The following ABR variants were observed in gnomAD, a reference collection of about 807,000 sequenced individuals.
ABR encodes ABR activator of RhoGEF and GTPase, also known as active breakpoint cluster region-related protein.
In ABR, 35 loss-of-function variants were observed where a neutral mutation model predicts 107.2. That is an observed-to-expected ratio of 0.33 (90% CI 0.25 to 0.43). The LOEUF is 0.43. Among genes scored for constraint, ABR ranks in the 20% least tolerant of loss-of-function variants. The probability of loss-of-function intolerance (pLI) is 1.00; values close to 1 mark genes in which losing one functional copy is unlikely to be tolerated. For missense variants in ABR, 815 were observed against 1,115.2 expected (o/e 0.73, Z 3.83); for synonymous variants, 498 against 462.0 (o/e 1.08, Z -1.00).
chr17:1,109,062 C>T (rs756943712), intron 2 of ABR: 3 of 1,593,732 alleles, frequency 1.9e-6, no homozygotes. Context: ...TCCTCTTCCT[C>T]CTCCATGGCA....
chr17:1,055,947 A>G (rs2033220537), intron 14 of ABR, 88 bp downstream of exon 14: 1 of 1,293,438 alleles, frequency 7.7e-7, no homozygotes, highest in African/African-American at 1.5e-5. Context: ...CCCCATGTCT[A>G]AAGGCGTGCT....
chr17:1,081,846 G>A (rs1364301963), intron 5 of ABR, among the ~76,000 whole-genome samples: 1 of 152,218 alleles, frequency 6.6e-6, no homozygotes, highest in Non-Finnish European at 1.5e-5. Context: ...CAAAGTGCTG[G>A]GATGACAGGT....
intron 16 of ABR, among the ~76,000 whole-genome samples, chr17:1,031,058 G>A (rs1292432699): frequency 2.6e-5 from 4 of 152,204 alleles, no homozygotes; most frequent in African/African-American, 4.8e-5. Flanking sequence ...TGGACGGAAC[G>A]CCTGGTGCCC....
At chr17:1,137,616 G>T (rs2040129486) in intron 1 of ABR, among the ~76,000 whole-genome samples, 1 of 152,142 alleles carries the variant, frequency 6.6e-6, no homozygotes, top group Non-Finnish European at 1.5e-5. Context: ...TGTAACAGGT[G>T]TCATAACAAT....
chr17:1,022,120 A>AACAAAAAAAAAAAC (rs1555534387), intron 16 of ABR, among the ~76,000 whole-genome samples: 3 of 118,388 alleles, frequency 2.5e-5, no homozygotes, highest in Non-Finnish European at 4.9e-5. Flanking sequence ...AAAAAAAAAA[A>AACAAAAAAAAAAAC]AAAAACAGAA....
At chr17:1,145,506 G>A (rs1211706392) in intron 1 of ABR, among the ~76,000 whole-genome samples, 2 of 152,342 alleles carry the variant, frequency 1.3e-5, no homozygotes, top group East Asian at 1.9e-4. Context: ...TGGCCAGGAG[G>A]CGATGACCTG....
chr17:1,044,227 G>A (rs1479986306), intron 16 of ABR, among the ~76,000 whole-genome samples: 1 of 152,222 alleles, frequency 6.6e-6, no homozygotes. Flanking sequence ...AGCGGACCTG[G>A]ATGGGGTCCC....
At chr17:1,016,499 G>A (rs1359353254) in intron 16 of ABR, among the ~76,000 whole-genome samples, 3 of 151,700 alleles carry the variant, frequency 2.0e-5, no homozygotes, top group Non-Finnish European at 2.9e-5. Flanking sequence ...TATTTGTAGT[G>A]GAGATGGGGT....
At chr17:1,199,027 C>G (rs1173267775) in intron 1 of ABR, among the ~76,000 whole-genome samples, 8 of 141,752 alleles carry the variant, frequency 5.6e-5, no homozygotes, top group African/African-American at 2.1e-4. Flanking sequence ...GCACTCCAGC[C>G]TGGGCAACAG....
chr17:1,203,835 C>T (rs1258596311), intron 1 of ABR, among the ~76,000 whole-genome samples: 3 of 152,234 alleles, frequency 2.0e-5, no homozygotes, highest in Admixed American at 1.3e-4. Flanking sequence ...GGGGGTGTGG[C>T]GTGAGTGTGT....
At chr17:1,221,137 C>T (rs543718177) in intron 1 of ABR, among the ~76,000 whole-genome samples, 54 of 152,310 alleles carry the variant, frequency 3.5e-4, no homozygotes, top group African/African-American at 9.1e-4. Context: ...TAGCTGCCTA[C>T]GCAATATCAA....
intron 1 of ABR, among the ~76,000 whole-genome samples, chr17:1,137,986 C>G (rs546425852): frequency 5.7e-4 from 87 of 151,682 alleles, no homozygotes; most frequent in Non-Finnish European, 1.1e-3. Context: ...CTGCAACCTC[C>G]GCCTCCTGGG....
At chr17:1,107,443 G>A (rs943316970) in intron 2 of ABR, among the ~76,000 whole-genome samples, 8 of 152,222 alleles carry the variant, frequency 5.3e-5, no homozygotes, top group African/African-American at 7.2e-5. Flanking sequence ...ATATAATTGC[G>A]GAGGCAAATG....
rs1033344298 is a variant in ABR, at chr17:1,046,378, C to T, written c.1791+3672G>A. ...GTCTTGAACTCCCGACCTTGTAATC[C>T]GCCCGCCTCGGCCTCCCAAAGTGCT... is the stretch of plus-strand genomic sequence containing the variant. On this transcript the variant is annotated intron_variant, in intron 16 of 22. Transcript: ENST00000302538. Among the ~76,000 whole-genome samples the T allele has an allele frequency of 3.3e-5, 5 of 151,824 alleles. No homozygotes were observed. The South Asian group carries it at 8.3e-4, about 25-fold the overall frequency.
intron 2 of ABR, among the ~76,000 whole-genome samples, chr17:1,107,867 A>T (rs989890058): frequency 1.3e-5 from 2 of 152,162 alleles, no homozygotes; most frequent in African/African-American, 2.4e-5. Flanking sequence ...CTCACACATC[A>T]GCCATCTCCC....
intron 1 of ABR, among the ~76,000 whole-genome samples, chr17:1,138,464 T>A (rs534336803): frequency 2.0e-5 from 3 of 152,228 alleles, no homozygotes; most frequent in Admixed American, 2.0e-4. Flanking sequence ...AGCTTTTTTT[T>A]GTTTTTTGAT....
chr17:1,173,131 C>A (rs2041792113), intron 1 of ABR, among the ~76,000 whole-genome samples: 3 of 120,402 alleles, frequency 2.5e-5, no homozygotes, highest in Admixed American at 8.4e-5. Context: ...AGTCCACCCC[C>A]CACACATCAC....
At position 1,004,687 on chromosome 17, in the gene ABR, G is replaced by A; in HGVS notation, c.*1393C>T. ...AAGTCGGGTCCCTGCTCCCTGGCGG[G>A]TGCCTACAGCACCAACAAGGAGGCC... On this transcript the variant is annotated 3_prime_UTR_variant, in exon 23 of 23. Transcript: ENST00000302538. 1 of 219,964 alleles carries A rather than the reference G, an allele frequency of 4.5e-6. No individual in the cohort carries two copies. Among genetic ancestry groups the A allele is most frequent in the Non-Finnish European group, 8.9e-6 (1 of 112,460 alleles). The allele number at this position is 219,964 out of a possible 1,614,324, so 13.6% of individuals were successfully genotyped here.
At chr17:1,146,866 C>T (rs2040572122) in intron 1 of ABR, among the ~76,000 whole-genome samples, 1 of 148,058 alleles carries the variant, frequency 6.8e-6, no homozygotes. Context: ...CCACCACTGC[C>T]ACCATTGCTA....
Sources: allele counts gnomAD v4.1 joint callset (sites outside exome capture counted in the v4.1 genomes callset), GRCh38; gene constraint gnomAD v4.1.1; transcripts MANE v1.5; gene names NCBI Gene and HGNC (gene_info 2026-07-23, HGNC 2026-07-21).